HYDIN: variants seen among roughly 807,000 people sequenced by gnomAD.
HYDIN encodes the protein HYDIN axonemal central pair apparatus protein, also known as axonemal central pair apparatus protein HYDIN.
Under a neutral mutation model 403.9 loss-of-function variants are expected in HYDIN, and 132 were observed. The ratio of observed to expected loss-of-function variants is 0.33; its 90% CI spans 0.28 to 0.38. The LOEUF (loss-of-function observed/expected upper bound fraction) is 0.38. Among genes scored for constraint, HYDIN ranks in the 10% least tolerant of loss-of-function variants. HYDIN has a pLI of 1.00. For missense variants in HYDIN, 2,827 were observed against 5,009.5 expected (o/e 0.56, Z 13.15); for synonymous variants, 1,202 against 1,891.7 (o/e 0.64, Z 9.46).
intron 13 of HYDIN, among the ~76,000 whole-genome samples, chr16:71,074,418 C>T (rs1019273572): frequency 3.3e-5 from 5 of 151,306 alleles, no homozygotes; most frequent in African/African-American, 1.2e-4. Context: ...CACGGTGGCT[C>T]ACACCTGTAA....
At chr16:70,970,886 C>T in intron 35 of HYDIN, 127 bp from the exon 36 acceptor site, 2 of 809,842 alleles carry the variant, frequency 2.5e-6, no homozygotes, top group Non-Finnish European at 3.8e-6. Flanking sequence ...TATAAAATTG[C>T]ATAAGAGTAA....
At chr16:71,131,043 C>T (rs11075874) in intron 8 of HYDIN, among the ~76,000 whole-genome samples, 2 of 105,850 alleles carry the variant, frequency 1.9e-5, no homozygotes, top group African/African-American at 3.9e-5. Context: ...CATCATTGTA[C>T]TGGTATTACC....
intron 12 of HYDIN, among the ~76,000 whole-genome samples, chr16:71,086,949 C>G (rs1429121628): frequency 1.3e-5 from 2 of 150,054 alleles, no homozygotes; most frequent in Non-Finnish European, 3.0e-5. Flanking sequence ...GTATACATAC[C>G]CAAAGGATGT....
At position 70,957,346 on chromosome 16, in the gene HYDIN, A is replaced by C. The variant is rs1435629711; in HGVS notation, c.6143-1798T>G. Among the ~76,000 whole-genome samples, 3 of 101,024 alleles carry C rather than the reference A, an allele frequency of 3.0e-5. No individual in the cohort carries two copies. In the Admixed American group the frequency reaches 3.1e-4, roughly 10 times the overall value. The allele number at this position is 101,024 out of a possible 152,430, so 66.3% of individuals were successfully genotyped here. On this transcript the variant is annotated intron_variant, in intron 39 of 85. Coordinates refer to ENST00000393567, the MANE Select transcript of HYDIN (RefSeq NM_001270974.2). Reference sequence around the variant, plus strand: ...CCTTCCTATTTTTTTTTTTTTTTTGAGATGGAGTCTCGCCCTGTAGCCCAG... The same window carrying C: ...CCTTCCTATTTTTTTTTTTTTTTTGCGATGGAGTCTCGCCCTGTAGCCCAG...
chr16:70,977,996 C>T (rs1043575828), intron 30 of HYDIN, among the ~76,000 whole-genome samples: 2 of 151,968 alleles, frequency 1.3e-5, no homozygotes, highest in East Asian at 1.9e-4. Flanking sequence ...TCTCAAGTCA[C>T]CTTCTCCAAC....
chr16:71,223,384 T>C (rs1598068771), intron 1 of HYDIN, among the ~76,000 whole-genome samples: 1 of 152,068 alleles, frequency 6.6e-6, no homozygotes, highest in Non-Finnish European at 1.5e-5. Flanking sequence ...GAAGATAACA[T>C]TGGAAAAACT....
intron 1 of HYDIN, among the ~76,000 whole-genome samples, chr16:71,229,777 A>G (rs1456867078): frequency 6.6e-6 from 1 of 152,228 alleles, no homozygotes. Flanking sequence ...TACAAGAGAT[A>G]CTTTCTGAGC....
rs536734281 is a variant in HYDIN, at chr16:70,991,530, G to C, written c.3786-134C>G. The C allele has an allele frequency of 2.8e-5, 39 of 1,407,036 alleles. No homozygotes were observed. In the Admixed American group the frequency reaches 6.6e-4, roughly 24 times the overall value. The allele number at this position is 1,407,036 out of a possible 1,614,324, so 87.2% of individuals were successfully genotyped here. ...AACGTAAGGGGGATTCTCAATCAAG[G>C]GACACCTTTCTCAAGAGGTCAGCTG... On this transcript the variant is annotated intron_variant, in intron 24 of 85. Transcript: ENST00000393567.
chr16:71,165,016 C>T (rs750893449), intron 5 of HYDIN, among the ~76,000 whole-genome samples: 7 of 152,076 alleles, frequency 4.6e-5, no homozygotes, highest in Admixed American at 6.5e-5. Context: ...CCTCCACCCC[C>T]GCCACCCTGG....
At chr16:71,191,128 T>G (rs1358331502) in intron 1 of HYDIN, among the ~76,000 whole-genome samples, 1 of 152,234 alleles carries the variant, frequency 6.6e-6, no homozygotes, top group Admixed American at 6.5e-5. Context: ...TAATTACTGC[T>G]CATCAGATTA....
At chr16:71,222,987 T>C (rs2040868806) in intron 1 of HYDIN, among the ~76,000 whole-genome samples, 1 of 152,048 alleles carries the variant, frequency 6.6e-6, no homozygotes, top group African/African-American at 2.4e-5. Context: ...AAAATTCACA[T>C]GGAACCAAAA....
At chr16:70,829,341 C>A (rs1413951548) in intron 81 of HYDIN, among the ~76,000 whole-genome samples, 6 of 147,670 alleles carry the variant, frequency 4.1e-5, no homozygotes, top group Non-Finnish European at 8.9e-5. Flanking sequence ...TCAAGCAATT[C>A]TCCTGCCTCA....
At chr16:70,820,773 C>T (rs1408297472) in intron 83 of HYDIN, among the ~76,000 whole-genome samples, 9 of 151,720 alleles carry the variant, frequency 5.9e-5, no homozygotes, top group African/African-American at 2.2e-4. Flanking sequence ...CTCAGCCTCC[C>T]GAGTAGCTGA....
At chr16:71,078,549 G>A (rs2082686437) in intron 13 of HYDIN, among the ~76,000 whole-genome samples, 1 of 152,038 alleles carries the variant, frequency 6.6e-6, no homozygotes, top group Non-Finnish European at 1.5e-5. Context: ...CTTTTGCCTA[G>A]GCTAGATTGC....
chr16:70,957,584 C>T (rs1248432953), intron 39 of HYDIN, among the ~76,000 whole-genome samples: 7 of 151,810 alleles, frequency 4.6e-5, no homozygotes, highest in Non-Finnish European at 8.8e-5. Context: ...CTCAGCCTCC[C>T]AAAGTGCTGG....
rs779188404 is a variant in HYDIN at position 71,129,745 on chromosome 16, G to A, written c.1122C>T (p.Leu374=). 2.6e-5 allele frequency: 42 copies of A among 1,613,940 alleles called. No individual in the cohort carries two copies. Among genetic ancestry groups the A allele is most frequent in the Admixed American group, 2.0e-4 (12 of 59,986 alleles). ...FFEECITDPL[L]REHLSVLSRT... ...GGGACAGAACAGAAAGATGTTCTCG[G>A]AGTAAAGGATCAGTAATGCACTCTT... Residue 374 remains leucine, a synonymous_variant, in exon 9 of 86, where the codon CTC becomes CTT. Transcript: ENST00000393567.
chr16:71,141,288 GA>G (rs962546229), intron 7 of HYDIN, among the ~76,000 whole-genome samples: 24 of 148,768 alleles, frequency 1.6e-4, no homozygotes, highest in African/African-American at 5.6e-4. Context: ...ATAGCCATAT[GA>G]AAAAACATAT....
At chr16:70,978,686 T>C (rs2078958102) in intron 30 of HYDIN, among the ~76,000 whole-genome samples, 1 of 152,244 alleles carries the variant, frequency 6.6e-6, no homozygotes, top group Non-Finnish European at 1.5e-5. Flanking sequence ...CCTCACCTCC[T>C]GGGCTCATCT....
intron 10 of HYDIN, among the ~76,000 whole-genome samples, chr16:71,110,656 T>G (rs1008937930): frequency 9.9e-5 from 15 of 151,438 alleles, no homozygotes; most frequent in Non-Finnish European, 2.1e-4. Context: ...GAGGGAAACT[T>G]CATTGGGAGA....
Sources: allele counts gnomAD v4.1 joint callset (sites outside exome capture counted in the v4.1 genomes callset), GRCh38; gene constraint gnomAD v4.1.1; transcripts MANE v1.5; gene names NCBI Gene and HGNC (gene_info 2026-07-23, HGNC 2026-07-21).